Variants in OR51B5 observed in about 807,000 individuals in gnomAD.
The protein encoded by OR51B5 is olfactory receptor family 51 subfamily B member 5.
For synonymous variants in OR51B5, 186 were observed against 144.8 expected (o/e 1.28, Z -2.04); for missense variants, 456 against 374.6 (o/e 1.22, Z -1.79).
At chr11:5,457,461 AG>A (rs1850977045) in intron 1 of OR51B5, among the ~76,000 whole-genome samples, 1 of 152,198 alleles carries the variant, frequency 6.6e-6, no homozygotes, top group African/African-American at 2.4e-5. Flanking sequence ...TCTTTTTGGT[AG>A]AATGATTTAT....
intron 1 of OR51B5, among the ~76,000 whole-genome samples, chr11:5,376,546 C>T (rs944657307): frequency 2.0e-5 from 3 of 151,988 alleles, no homozygotes; most frequent in African/African-American, 7.3e-5. Context: ...AAAGGATCAA[C>T]AAAACTGATA....
intron 1 of OR51B5, among the ~76,000 whole-genome samples, chr11:5,414,426 A>T (rs1446860673): frequency 6.6e-6 from 1 of 150,874 alleles, no homozygotes; most frequent in African/African-American, 2.4e-5. Context: ...AAATTCACAC[A>T]TAACAATATT....
intron 1 of OR51B5, among the ~76,000 whole-genome samples, chr11:5,471,085 T>A (rs1317355972): frequency 1.3e-5 from 2 of 152,208 alleles, no homozygotes; most frequent in Non-Finnish European, 2.9e-5. Context: ...TTTCATTTCT[T>A]CTCATAATTT....
chr11:5,343,291 C>G (rs369884002), exon 1 of OR51B5: 1 of 1,611,912 alleles, frequency 6.2e-7, no homozygotes, highest in Non-Finnish European at 8.5e-7. Context: ...CTCCCAGCAC[C>G]GTGGGCATTG....
intron 1 of OR51B5, among the ~76,000 whole-genome samples, chr11:5,427,081 G>A (rs1368366998): frequency 1.3e-5 from 2 of 152,138 alleles, no homozygotes; most frequent in African/African-American, 4.8e-5. Flanking sequence ...TTGTTCTTTT[G>A]AGTTATTCAT....
In OR51B5 at chr11:5,403,837, C is replaced by G. The variant is rs928240381; in HGVS notation, n.85-56927G>C. ...GCAGAAAAGATTGTAACACAGCACT[C>G]CTAATGAGGAAAAGGCACCTGGGAG... On this transcript the variant is annotated intron_variant and non_coding_transcript_variant, in intron 1 of 4. Transcript: ENST00000415970. Among the ~76,000 whole-genome samples the G allele has an allele frequency of 9.2e-5, 14 of 152,144 alleles. No homozygotes were observed. The South Asian group carries it at 2.1e-3, about 23-fold the overall frequency.
At chr11:5,393,746 GTAT>G (rs1242999718) in intron 1 of OR51B5, among the ~76,000 whole-genome samples, 1 of 152,032 alleles carries the variant, frequency 6.6e-6, no homozygotes, top group African/African-American at 2.4e-5. Flanking sequence ...AAGTAGGGAG[GTAT>G]TATTATTTTC....
At chr11:5,362,003 T>A (rs1849292427) in intron 1 of OR51B5, among the ~76,000 whole-genome samples, 1 of 152,222 alleles carries the variant, frequency 6.6e-6, no homozygotes, top group Admixed American at 6.5e-5. Flanking sequence ...CCAAATAGAT[T>A]AGTGTCAGAT....
At chr11:5,378,259 T>C (rs1457983403) in intron 1 of OR51B5, among the ~76,000 whole-genome samples, 2 of 152,088 alleles carry the variant, frequency 1.3e-5, no homozygotes, top group Admixed American at 1.3e-4. Context: ...GCTAGCCATA[T>C]GTAGAATGCT....
At chr11:5,409,352 C>G (rs1330511420) in intron 1 of OR51B5, among the ~76,000 whole-genome samples, 1 of 151,912 alleles carries the variant, frequency 6.6e-6, no homozygotes. Flanking sequence ...AAAAGACACA[C>G]CAGCAGAACA....
chr11:5,421,961 G>A (rs979748492), intron 1 of OR51B5: 1 of 470,546 alleles, frequency 2.1e-6, no homozygotes, highest in Non-Finnish European at 3.7e-6. Context: ...AGTTACCCAT[G>A]AATTAATATA....
rs180760843 is a variant in OR51B5 at position 5,394,496 on chromosome 11, G to A, written n.85-47586C>T. ...TTCCTCAGCACAAGCCTATATTCCT[G>A]CAGGCAAAAATCTTTACAACTATCC... On this transcript the variant is annotated intron_variant and non_coding_transcript_variant, in intron 1 of 4. Coordinates refer to the OR51B5 transcript ENST00000415970. Among the ~76,000 whole-genome samples the A allele has an allele frequency of 9.2e-5, 14 of 152,220 alleles. No homozygotes were observed. The East Asian group carries it at 1.2e-3, about 13-fold the overall frequency.
At chr11:5,483,467 C>A (rs1406925686) in intron 1 of OR51B5, among the ~76,000 whole-genome samples, 5 of 141,434 alleles carry the variant, frequency 3.5e-5, no homozygotes, top group Non-Finnish European at 6.1e-5. Flanking sequence ...TGTAACTAAC[C>A]TGCACAACGT....
chr11:5,447,352 T>C (rs1352085862), intron 1 of OR51B5, among the ~76,000 whole-genome samples: 1 of 152,134 alleles, frequency 6.6e-6, no homozygotes, highest in Non-Finnish European at 1.5e-5. Context: ...GTGAGCTGCA[T>C]CTCTTCTATG....
chr11:5,342,837 C>CTCTGGAGGCAATGCTCAGGACAG lies in OR51B5; in HGVS notation c.665_687dup (p.Glu230LeufsTer3), dbSNP rs1848919057. On this transcript the variant is annotated stop_gained and frameshift_variant, in exon 1 of 1. Coordinates refer to ENST00000300773, the Ensembl canonical transcript of OR51B5. LOFTEE classifies it low-confidence loss of function (END_TRUNC). ...GTAATGAGAGCCTTGGCCCTCTCCT[C>CTCTGGAGGCAATGCTCAGGACAG]TCTGGAGGCAATGCTCAGGACAGTC... The CTCTGGAGGCAATGCTCAGGACAG allele has an allele frequency of 6.2e-7, 1 of 1,613,400 alleles. No homozygotes were observed. The highest frequency in any genetic ancestry group is 1.1e-5 in the South Asian group (1 of 91,018).
intron 1 of OR51B5, among the ~76,000 whole-genome samples, chr11:5,418,470 G>A (rs112063355): frequency 1.2e-4 from 18 of 151,436 alleles, no homozygotes; most frequent in East Asian, 1.9e-4. Flanking sequence ...AAAAAGCACC[G>A]AACCAATCCA....
At chr11:5,405,377 C>T (rs1246707071) in intron 1 of OR51B5, among the ~76,000 whole-genome samples, 2 of 152,102 alleles carry the variant, frequency 1.3e-5, no homozygotes, top group Admixed American at 6.5e-5. Flanking sequence ...ATTATGTCAA[C>T]TAAGCAAGAA....
chr11:5,358,862 C>G (rs1404524605), intron 1 of OR51B5, among the ~76,000 whole-genome samples: 1 of 151,946 alleles, frequency 6.6e-6, no homozygotes, highest in Non-Finnish European at 1.5e-5. Flanking sequence ...TAAATGTAAT[C>G]CAGCATATAA....
chr11:5,403,098 G>A (rs769491304), intron 1 of OR51B5: 4 of 471,456 alleles, frequency 8.5e-6, no homozygotes, highest in South Asian at 6.2e-5. Flanking sequence ...TTCTCTTATG[G>A]CGTCTGCCCT....
Sources: allele counts gnomAD v4.1 joint callset (sites outside exome capture counted in the v4.1 genomes callset), GRCh38; gene constraint gnomAD v4.1.1; transcripts MANE v1.5; gene names NCBI Gene and HGNC (gene_info 2026-07-23, HGNC 2026-07-21).